Variants in EVC2 observed in about 807,000 individuals in gnomAD.
EVC2 encodes EvC ciliary complex subunit 2, also known as limbin.
A neutral mutation model predicts 149.3 loss-of-function variants in EVC2; 148 were observed. The observed-to-expected ratio is 0.99, with a 90% CI of 0.87 to 1.14. The LOEUF is 1.14. Among genes scored for constraint, EVC2 ranks in the 50% most tolerant of loss-of-function variants. The pLI is 0.00. For missense variants in EVC2, 1,854 were observed against 1,627.3 expected (o/e 1.14, Z -2.40); for synonymous variants, 776 against 649.9 (o/e 1.19, Z -2.95).
chr4:5,560,886 T>G (rs1421671207), downstream of EVC2, among the ~76,000 whole-genome samples: 1 of 152,226 alleles, frequency 6.6e-6, no homozygotes, highest in Non-Finnish European at 1.5e-5. The surrounding 1 kb of genome is among the most constrained non-coding windows in gnomAD (Gnocchi z 4.1). Context: ...CTGGTCTATC[T>G]GATTCCAGAA....
In EVC2 at chr4:5,600,817, C is replaced by A. The variant is rs189497621; in HGVS notation, c.2829+14605G>T. The stretch of plus-strand genomic sequence containing the variant: ...GGAAACAGGCTCCCAGAATTCCCCC[C>A]ACCCATCCTTTGCTCAGCAGGCCAC... On this transcript the variant is annotated intron_variant, in intron 16 of 21. Coordinates refer to ENST00000344408, the MANE Select transcript of EVC2 (RefSeq NM_147127.5). Among the ~76,000 whole-genome samples, 8 of 152,282 alleles carry A rather than the reference C, an allele frequency of 5.3e-5. No individual in the cohort carries two copies. In the East Asian group the frequency reaches 9.7e-4, roughly 18 times the overall value.
chr4:5,654,837 T>C (rs963519272), intron 9 of EVC2, among the ~76,000 whole-genome samples: 3 of 152,120 alleles, frequency 2.0e-5, no homozygotes, highest in Non-Finnish European at 4.4e-5. Flanking sequence ...GTGAGAAACA[T>C]GTTGAGTGTC....
chr4:5,536,544 G>A, the EVC2 span, among the ~76,000 whole-genome samples: 7 of 152,198 alleles, frequency 4.6e-5, no homozygotes, highest in East Asian at 1.2e-3. Context: ...TAGCACTTTG[G>A]GAGGCCAAGG....
intron 16 of EVC2, among the ~76,000 whole-genome samples, chr4:5,595,973 G>A (rs1713371250): frequency 6.6e-6 from 1 of 152,138 alleles, no homozygotes; most frequent in African/African-American, 2.4e-5. Context: ...AGACAAAGAA[G>A]GCCATCACAT....
At chr4:5,705,452 TTTAAA>T (rs781001303) in intron 1 of EVC2, among the ~76,000 whole-genome samples, 3 of 152,216 alleles carry the variant, frequency 2.0e-5, no homozygotes, top group Non-Finnish European at 2.9e-5. Flanking sequence ...ATTTACTCTC[TTTAAA>T]TTAAAGGTGA....
At chr4:5,540,172 A>G (rs1198667932), downstream of EVC2, among the ~76,000 whole-genome samples, 4 of 152,250 alleles carry the variant, frequency 2.6e-5, no homozygotes, top group East Asian at 7.7e-4. Flanking sequence ...AATTTAAAAG[A>G]CTGACCACAC....
At chr4:5,608,815 G>A (rs115037074) in intron 16 of EVC2, among the ~76,000 whole-genome samples, 1,697 of 152,250 alleles carry the variant, frequency 0.011, 10 homozygotes, top group South Asian at 0.025. Flanking sequence ...TTACAGGCAT[G>A]AGCCACGGTG....
chr4:5,673,380 G>A (rs1253279383), intron 7 of EVC2, among the ~76,000 whole-genome samples: 2 of 152,156 alleles, frequency 1.3e-5, no homozygotes, highest in Non-Finnish European at 2.9e-5. Context: ...GCAGTGATGA[G>A]TTCAGAACCA....
intron 7 of EVC2, among the ~76,000 whole-genome samples, chr4:5,671,598 A>C (rs1157232140): frequency 6.6e-6 from 1 of 151,992 alleles, no homozygotes; most frequent in African/African-American, 2.4e-5. Context: ...TGCAACCTCC[A>C]CCTCCTGGGT....
chr4:5,623,204 C>G (rs1437550228), intron 13 of EVC2, among the ~76,000 whole-genome samples: 4 of 151,546 alleles, frequency 2.6e-5, no homozygotes, highest in Non-Finnish European at 4.4e-5. Context: ...GGTGCGATCT[C>G]GGCTCACTGC....
At chr4:5,703,991 C>G (rs1472088306) in intron 1 of EVC2, among the ~76,000 whole-genome samples, 1 of 152,154 alleles carries the variant, frequency 6.6e-6, no homozygotes, top group African/African-American at 2.4e-5. Flanking sequence ...GGTGGGAACA[C>G]ACCCAGGGTG....
At chr4:5,630,573 T>C (rs1308008389) in intron 11 of EVC2, among the ~76,000 whole-genome samples, 1 of 152,206 alleles carries the variant, frequency 6.6e-6, no homozygotes, top group Non-Finnish European at 1.5e-5. Flanking sequence ...ATGATTTTCA[T>C]TTATAAAGAT....
At chr4:5,549,466 C>T (rs1203379018) in intron 21 of EVC2, among the ~76,000 whole-genome samples, 2 of 152,240 alleles carry the variant, frequency 1.3e-5, no homozygotes, top group Non-Finnish European at 2.9e-5. Context: ...CCCATTCTGC[C>T]ACACAGATTT....
At chr4:5,674,558 G>A (rs978918140) in intron 7 of EVC2, among the ~76,000 whole-genome samples, 4 of 152,150 alleles carry the variant, frequency 2.6e-5, no homozygotes, top group African/African-American at 9.7e-5. Context: ...CCAGCCAAGG[G>A]CACAACTAGC....
At chr4:5,665,773 TC>T in intron 7 of EVC2, 124 bp from the exon 8 acceptor site, 1 of 1,449,842 alleles carries the variant, frequency 6.9e-7, no homozygotes, top group Non-Finnish European at 9.4e-7. Flanking sequence ...CATTTGAGTC[TC>T]GCTCTGCCAG....
At chr4:5,705,136 CA>C (rs1365816950) in intron 1 of EVC2, among the ~76,000 whole-genome samples, 1 of 152,180 alleles carries the variant, frequency 6.6e-6, no homozygotes, top group Non-Finnish European at 1.5e-5. Flanking sequence ...GGGACACACC[CA>C]ATCCACTGAA....
At chr4:5,654,405 C>T (rs1027514522) in intron 9 of EVC2, among the ~76,000 whole-genome samples, 1 of 152,200 alleles carries the variant, frequency 6.6e-6, no homozygotes, top group Non-Finnish European at 1.5e-5. Context: ...CTGGAATCCA[C>T]AGTGCCAGAG....
At position 5,625,902 on chromosome 4, in the gene EVC2, C is replaced by A; in HGVS notation, c.1893G>T (p.Gly631=). The change falls in exon 13 of 22, where the codon GGG becomes GGT. Residue 631 remains glycine (G), a synonymous_variant. Transcript: ENST00000344408. The surrounding 1 kb of genome is among the most constrained non-coding windows in gnomAD (Gnocchi z 4.0). The part of the protein sequence containing the change: ...THLIQKHERA[G]YLDEDQMEML... Reference sequence around the variant, plus strand: ...TTTCCATTTGGTCTTCATCCAGGTACCCTGCTCTAGATGGAAAGGATGTAA... The same window carrying A: ...TTTCCATTTGGTCTTCATCCAGGTAACCTGCTCTAGATGGAAAGGATGTAA... 3.1e-6 allele frequency: 5 copies of A among 1,613,970 alleles called. No individual in the cohort carries two copies. The highest frequency in any genetic ancestry group is 2.5e-6 in the Non-Finnish European group (3 of 1,180,012).
intron 16 of EVC2, among the ~76,000 whole-genome samples, chr4:5,612,277 A>T (rs1267057043): frequency 3.3e-5 from 5 of 152,198 alleles, no homozygotes; most frequent in African/African-American, 9.6e-5. Context: ...TGTATTTCCC[A>T]AACGGCAATT....
Sources: gnomAD v4.1 joint callset for allele counts (sites outside exome capture counted in the v4.1 genomes callset) on GRCh38, gnomAD v4.1.1 for gene constraint, Gnocchi (gnomAD v3.1) non-coding constraint, MANE v1.5 for transcripts, NCBI Gene and HGNC (gene_info 2026-07-23, HGNC 2026-07-21) for gene names.